The following ANKIB1 variants were observed in gnomAD, a reference collection of about 807,000 sequenced individuals.
ANKIB1 encodes ankyrin repeat and IBR domain containing 1.
A neutral mutation model predicts 122.1 loss-of-function variants in ANKIB1; 43 were observed. The ratio of observed to expected loss-of-function variants is 0.35; its 90% CI spans 0.28 to 0.45. The LOEUF (loss-of-function observed/expected upper bound fraction) is 0.45, where lower values mean the gene tolerates loss of function less well. Ranked by LOEUF, ANKIB1 falls within the 20% of genes least tolerant of loss-of-function variation. The pLI is 1.00. For synonymous variants in ANKIB1, 390 were observed against 442.0 expected, an observed-to-expected ratio of 0.88 and a Z score of 1.48; for missense variants, 992 against 1,329.5, an observed-to-expected ratio of 0.75 and a Z score of 3.95.
chr7:92,310,422 C>G (rs1032330159), intron 3 of ANKIB1, among the ~76,000 whole-genome samples: 2 of 152,028 alleles, frequency 1.3e-5, no homozygotes, highest in African/African-American at 4.8e-5. Context: ...GTTATATATA[C>G]TTGAGTATAT....
chr7:92,365,788 C>CTTTTTTT (rs59131137), intron 10 of ANKIB1, among the ~76,000 whole-genome samples: 4 of 58,324 alleles, frequency 6.9e-5, no homozygotes, highest in Non-Finnish European at 9.0e-5. Context: ...ATTAAATAAT[C>CTTTTTTT]TTTTTTTTTT....
At chr7:92,323,206 A>G (rs922223895) in intron 4 of ANKIB1, among the ~76,000 whole-genome samples, 2 of 152,196 alleles carry the variant, frequency 1.3e-5, no homozygotes, top group South Asian at 2.1e-4. Flanking sequence ...CTGTCCGGAA[A>G]GATTATATTG....
intron 1 of ANKIB1, among the ~76,000 whole-genome samples, chr7:92,260,709 A>G (rs905360986): frequency 6.6e-6 from 1 of 151,764 alleles, no homozygotes; most frequent in Non-Finnish European, 1.5e-5. Flanking sequence ...TCATTTTGGT[A>G]AGGCTTTTGC....
chr7:92,247,465 A>C (rs1453555450), intron 1 of ANKIB1, among the ~76,000 whole-genome samples: 1 of 152,238 alleles, frequency 6.6e-6, no homozygotes, highest in Non-Finnish European at 1.5e-5. Context: ...CATTAATTCC[A>C]GAGAAATCTT....
chr7:92,266,587 A>G (rs1265898262), intron 1 of ANKIB1, among the ~76,000 whole-genome samples: 1 of 152,172 alleles, frequency 6.6e-6, no homozygotes, highest in African/African-American at 2.4e-5. Flanking sequence ...GGGGCCAGGG[A>G]AAACAGCTCA....
At chr7:92,252,962 G>T (rs1801360158) in intron 1 of ANKIB1, among the ~76,000 whole-genome samples, 1 of 151,952 alleles carries the variant, frequency 6.6e-6, no homozygotes, top group Admixed American at 6.6e-5. Flanking sequence ...AGATTTGGGG[G>T]CTTAGTGTGT....
chr7:92,376,897 G>A (rs1013164192), intron 11 of ANKIB1, among the ~76,000 whole-genome samples: 1 of 152,144 alleles, frequency 6.6e-6, no homozygotes, highest in Admixed American at 6.5e-5. Context: ...TCTGGATTAG[G>A]ATTTGGCTTA....
chr7:92,295,274 A>C (rs1802330527), intron 2 of ANKIB1, 108 bp downstream of exon 2: 1 of 753,780 alleles, frequency 1.3e-6, no homozygotes, highest in African/African-American at 1.8e-5. Context: ...GGACATATAC[A>C]GACATGATAT....
At chr7:92,252,329 T>C (rs1283350850) in intron 1 of ANKIB1, among the ~76,000 whole-genome samples, 1 of 152,094 alleles carries the variant, frequency 6.6e-6, no homozygotes, top group African/African-American at 2.4e-5. Flanking sequence ...TGCCAAATAA[T>C]ATTTTTTCTG....
rs1308815564 is a variant in ANKIB1 at position 92,399,053 on chromosome 7, AAC to A, written c.*105_*106del. ...TTCACTTAATTCCAACTCAGTGATA[AAC>A]CACTGACATTAGGGTTGAATACAGA... is the stretch of plus-strand genomic sequence containing the variant. On this transcript the variant is annotated 3_prime_UTR_variant, in exon 20 of 20. Transcript: ENST00000265742. 2 of 1,281,096 alleles carry A rather than the reference AAC, an allele frequency of 1.6e-6. No homozygotes were observed. Among genetic ancestry groups the A allele is most frequent in the African/African-American group, 1.5e-5 (1 of 66,360 alleles). The allele number at this position is 1,281,096 out of a possible 1,614,324, so 79.4% of individuals were successfully genotyped here. A position where few individuals can be genotyped will look rare whatever the true frequency, so the allele number is the denominator to read the frequency against.
At chr7:92,364,310 T>TAA (rs762884822) in intron 10 of ANKIB1, among the ~76,000 whole-genome samples, 51 of 33,526 alleles carry the variant, frequency 1.5e-3, no homozygotes, top group African/African-American at 1.8e-3. Context: ...AGACTCCATC[T>TAA]AAAAAAAAAA....
In ANKIB1 at chr7:92,371,459, G is replaced by C; in HGVS notation, c.1487-18G>C. ...CACTAAATCATTTATTTTTGTGATT[G>C]TGTTTAATATCCCAAAGTTGTGGGA... On this transcript the variant is annotated intron_variant, in intron 10 of 19. Coordinates refer to ENST00000265742, the MANE Select transcript of ANKIB1 (RefSeq NM_019004.2). 1 of 1,593,084 alleles carries C rather than the reference G, an allele frequency of 6.3e-7. No individual in the cohort carries two copies. Among genetic ancestry groups the C allele is most frequent in the Non-Finnish European group, 8.6e-7 (1 of 1,168,532 alleles).
chr7:92,381,184 T>A (rs576434124), intron 11 of ANKIB1, among the ~76,000 whole-genome samples: 22 of 152,010 alleles, frequency 1.4e-4, no homozygotes, highest in African/African-American at 5.3e-4. Context: ...GTAGGGAAGT[T>A]GGGAGAAAAA....
At chr7:92,357,567 T>C (rs1002576141) in intron 9 of ANKIB1, among the ~76,000 whole-genome samples, 3 of 151,726 alleles carry the variant, frequency 2.0e-5, no homozygotes, top group South Asian at 4.2e-4. Context: ...AAACCCTGTC[T>C]CTACAAAAAA....
At chr7:92,357,538 C>T (rs906836077) in intron 9 of ANKIB1, among the ~76,000 whole-genome samples, 1 of 152,072 alleles carries the variant, frequency 6.6e-6, no homozygotes, top group Admixed American at 6.5e-5. Flanking sequence ...AATTCGAAAC[C>T]AGCCTGGGCA....
rs1472124609 is a variant in ANKIB1, at chr7:92,396,299, CTTTGT to C, written c.2284-62_2284-58del. On this transcript the variant is annotated intron_variant, in intron 17 of 19. Transcript: ENST00000265742. ...TTTTTCCCCTGGAAAAAAGTGTGTA[CTTTGT>C]TTTATTTGCATTTTAAAAATTGCAT... is the stretch of plus-strand genomic sequence containing the variant. 1.1e-5 allele frequency: 10 copies of C among 890,874 alleles called. No homozygotes were observed. The East Asian group carries it at 2.2e-4, about 19-fold the overall frequency. The allele number at this position is 890,874 out of a possible 1,614,324, so 55.2% of individuals were successfully genotyped here. A position where few individuals can be genotyped will look rare whatever the true frequency, so the allele number is the denominator to read the frequency against.
chr7:92,318,359 T>TA (rs1312515675), intron 3 of ANKIB1, among the ~76,000 whole-genome samples: 2 of 151,874 alleles, frequency 1.3e-5, no homozygotes, highest in Non-Finnish European at 2.9e-5. Flanking sequence ...CTACTAAAAA[T>TA]ACAAAAATTA....
At chr7:92,389,390 TAAAAC>T (rs1168474233) in intron 14 of ANKIB1, among the ~76,000 whole-genome samples, 3 of 152,110 alleles carry the variant, frequency 2.0e-5, no homozygotes, top group Admixed American at 6.6e-5. Flanking sequence ...ATGATGTTCT[TAAAAC>T]AAAGAGTCTC....
intron 11 of ANKIB1, among the ~76,000 whole-genome samples, chr7:92,384,302 C>T (rs1348276667): frequency 6.6e-6 from 1 of 152,140 alleles, no homozygotes; most frequent in Non-Finnish European, 1.5e-5. Flanking sequence ...TAAAAATGTC[C>T]ATACTGCCCA....
Sources: gnomAD v4.1 joint callset for allele counts (sites outside exome capture counted in the v4.1 genomes callset) on GRCh38, gnomAD v4.1.1 for gene constraint, MANE v1.5 for transcripts, NCBI Gene and HGNC (gene_info 2026-07-23, HGNC 2026-07-21) for gene names.